Variants in TMEM192 observed in about 807,000 individuals in gnomAD.
TMEM192 encodes transmembrane protein 192.
TMEM192 carries 20 observed loss-of-function variants against 26.7 expected under a neutral mutation model. That is an observed-to-expected ratio of 0.75 (90% CI 0.53 to 1.09). The LOEUF is 1.09. Among genes scored for constraint, TMEM192 ranks in the 50% least tolerant of loss-of-function variants. The pLI, the probability that TMEM192 is intolerant of heterozygous loss-of-function variation, is 0.00. For missense variants in TMEM192, 304 were observed against 322.6 expected (o/e 0.94, Z 0.44); for synonymous variants, 124 against 121.0 (o/e 1.02, Z -0.16).
Position 165,100,816 on chromosome 4 carries a change from C to A in TMEM192, c.251G>T (p.Gly84Val). 2 of 1,614,042 alleles carry A rather than the reference C, an allele frequency of 1.2e-6. No homozygotes were observed. Among genetic ancestry groups the A allele is most frequent in the Non-Finnish European group, 1.7e-6 (2 of 1,180,012 alleles). The change falls in exon 3 of 6, where the codon GGA becomes GTA. Residue 84 changes from glycine (G) to valine (V), a missense_variant. Gly to Val is a moderately radical substitution (Grantham distance 109). Transcript: ENST00000306480. ...AACTTTCAATGGGTTTGTGTAATTT[C>A]CTGGGCACTTGTCCTCATTTGGATT... The part of the protein sequence containing the change: ...YPNPNEDKCP[G>V]NYTNPLKVQT...
At chr4:165,108,042 T>C (rs565224159) in intron 1 of TMEM192, among the ~76,000 whole-genome samples, 1 of 152,160 alleles carries the variant, frequency 6.6e-6, no homozygotes, top group East Asian at 1.9e-4. Flanking sequence ...TAGCATGCCT[T>C]GTCATTTTTT....
At chr4:165,094,198 G>A (rs917464356) in intron 3 of TMEM192, among the ~76,000 whole-genome samples, 4 of 152,150 alleles carry the variant, frequency 2.6e-5, no homozygotes, top group Non-Finnish European at 4.4e-5. Flanking sequence ...ACAGCACCTG[G>A]CCTAATTTTC....
At chr4:165,098,238 C>T (rs1311240007) in intron 3 of TMEM192, among the ~76,000 whole-genome samples, 1 of 151,440 alleles carries the variant, frequency 6.6e-6, no homozygotes, top group Non-Finnish European at 1.5e-5. Context: ...AATTCTCCTG[C>T]CTCAGCCTCC....
intron 1 of TMEM192, among the ~76,000 whole-genome samples, chr4:165,107,170 G>A (rs1277691548): frequency 1.3e-5 from 2 of 151,582 alleles, no homozygotes; most frequent in Non-Finnish European, 2.9e-5. Context: ...AATTACAAGT[G>A]CCCGACACCT....
In TMEM192 at chr4:165,079,589, T is replaced by C. The variant is rs576156835; in HGVS notation, c.*69A>G. ...AAAAGCTGCAGTTCCCCGTGGCAGC[T>C]TGTCAGGTGGTCAGTCAGTCTCAAT... On this transcript the variant is annotated 3_prime_UTR_variant, in exon 6 of 6. Coordinates refer to ENST00000306480, the MANE Select transcript of TMEM192 (RefSeq NM_001100389.2). 354 of 1,507,142 alleles carry C rather than the reference T, an allele frequency of 2.3e-4. No individual in the cohort carries two copies. The African/African-American group carries it at 4.3e-3, about 18-fold the overall frequency. The allele number at this position is 1,507,142 out of a possible 1,614,324, so 93.4% of individuals were successfully genotyped here. A position where few individuals can be genotyped will look rare whatever the true frequency, so the allele number is the denominator to read the frequency against.
At chr4:165,090,198 C>T (rs1253156522) in intron 3 of TMEM192, among the ~76,000 whole-genome samples, 4 of 101,280 alleles carry the variant, frequency 3.9e-5, no homozygotes, top group East Asian at 6.8e-4. Context: ...GCAACAAGAG[C>T]GAAACTCCGT....
In TMEM192 at chr4:165,094,644, G is replaced by A. The variant is rs577062828; in HGVS notation, c.439+5984C>T. ...TGCACTCCAGCCTGGGTGACAGAGCGAGACTCTGTCTCAAAAAAAAAAAAG... is the reference window on the plus strand; with the variant it reads ...TGCACTCCAGCCTGGGTGACAGAGCAAGACTCTGTCTCAAAAAAAAAAAAG... On this transcript the variant is annotated intron_variant, in intron 3 of 5. Transcript: ENST00000306480. Among the ~76,000 whole-genome samples, 123 of 150,494 alleles carry A rather than the reference G, an allele frequency of 8.2e-4. 1 individual carries two copies. The highest frequency in any genetic ancestry group is 1.9e-3 in the South Asian group (9 of 4,760).
At chr4:165,094,722 C>A (rs1734853493) in intron 3 of TMEM192, among the ~76,000 whole-genome samples, 1 of 151,826 alleles carries the variant, frequency 6.6e-6, no homozygotes, top group South Asian at 2.1e-4. Flanking sequence ...CGCCTGTAAT[C>A]CCAACATTTT....
intron 3 of TMEM192, among the ~76,000 whole-genome samples, chr4:165,097,759 C>T (rs1734947533): frequency 1.3e-5 from 2 of 151,328 alleles, no homozygotes; most frequent in African/African-American, 4.8e-5. Context: ...GGACTACAGG[C>T]ACAGGCTACC....
At chr4:165,087,307 G>A (rs1191364866) in intron 4 of TMEM192, among the ~76,000 whole-genome samples, 1 of 152,140 alleles carries the variant, frequency 6.6e-6, no homozygotes, top group Non-Finnish European at 1.5e-5. Context: ...TCTCCTGGAT[G>A]TAGCCATGCA....
In TMEM192 at chr4:165,075,780, G is replaced by A. The variant is rs1017572495; in HGVS notation, c.*3878C>T. The A allele has an allele frequency of 6.6e-6, 1 of 152,004 alleles. No individual in the cohort carries two copies. The highest frequency in any genetic ancestry group is 2.4e-5 in the African/African-American group (1 of 41,394). 9.4% of individuals were successfully genotyped at this position (152,004 alleles called of 1,614,324 possible). A position where few individuals can be genotyped will look rare whatever the true frequency, so the allele number is the denominator to read the frequency against. Reference sequence around the variant, plus strand: ...AGATGGGGTTTCACCATCTTGGCCAGGCTGGTCTCTAACTCCTGACCTTGT... The same window carrying A: ...AGATGGGGTTTCACCATCTTGGCCAAGCTGGTCTCTAACTCCTGACCTTGT... On this transcript the variant is annotated 3_prime_UTR_variant, in exon 6 of 6. Coordinates refer to ENST00000306480, the MANE Select transcript of TMEM192 (RefSeq NM_001100389.2).
intron 3 of TMEM192, among the ~76,000 whole-genome samples, chr4:165,099,731 C>T (rs1163830704): frequency 1.3e-5 from 2 of 152,044 alleles, no homozygotes; most frequent in African/African-American, 4.8e-5. Context: ...TTGTTTGAGG[C>T]CAGGAGTTCC....
At chr4:165,085,875 A>T (rs1734603214) in intron 4 of TMEM192, among the ~76,000 whole-genome samples, 187 bp from the exon 5 acceptor site, 2 of 152,162 alleles carry the variant, frequency 1.3e-5, no homozygotes. Flanking sequence ...ATAATAGCTG[A>T]CATTTATTGT....
intron 3 of TMEM192, among the ~76,000 whole-genome samples, chr4:165,089,085 C>A (rs1734693552): frequency 1.3e-5 from 2 of 149,468 alleles, no homozygotes; most frequent in African/African-American, 4.9e-5. Flanking sequence ...AATGAAAGAC[C>A]CAGAGAAAAC....
chr4:165,109,338 A>C (rs1388111731), intron 1 of TMEM192, among the ~76,000 whole-genome samples: 1 of 152,174 alleles, frequency 6.6e-6, no homozygotes, highest in Non-Finnish European at 1.5e-5. Flanking sequence ...TATGCTTCAG[A>C]CCTGGGAAAT....
chr4:165,102,570 T>A (rs934147718), intron 2 of TMEM192, among the ~76,000 whole-genome samples: 1 of 152,164 alleles, frequency 6.6e-6, no homozygotes, highest in African/African-American at 2.4e-5. Flanking sequence ...CTATTCTATG[T>A]TAATATACTG....
Position 165,079,270 on chromosome 4 carries a change from T to C in TMEM192, c.*388A>G, listed in dbSNP as rs76089839. 2,914 of 164,654 alleles carry C rather than the reference T, an allele frequency of 0.018. 84 individuals are homozygous for C. The highest frequency in any genetic ancestry group is 0.063 in the African/African-American group (2,644 of 42,074). The allele number at this position is 164,654 out of a possible 1,614,324, so 10.2% of individuals were successfully genotyped here. On this transcript the variant is annotated 3_prime_UTR_variant, in exon 6 of 6. Transcript: ENST00000306480. ...TTAAAAGTGGGAAGAACTTATTTGA[T>C]TAAAACCCTGTTTAAAATCGATTGT...
chr4:165,091,809 C>T (rs752349171), intron 3 of TMEM192, among the ~76,000 whole-genome samples: 17 of 152,178 alleles, frequency 1.1e-4, no homozygotes, highest in Middle Eastern at 3.4e-3. Context: ...CCTTTAGGTA[C>T]CCAGTGCAAG....
intron 5 of TMEM192, among the ~76,000 whole-genome samples, chr4:165,084,297 C>T (rs1021302924): frequency 1.3e-5 from 2 of 151,648 alleles, no homozygotes; most frequent in Admixed American, 6.6e-5. Flanking sequence ...CTCCCGGGTT[C>T]AAGCGATTCT....
Sources: allele counts gnomAD v4.1 joint callset (sites outside exome capture counted in the v4.1 genomes callset), GRCh38; gene constraint gnomAD v4.1.1; transcripts MANE v1.5; gene names NCBI Gene and HGNC (gene_info 2026-07-23, HGNC 2026-07-21).